ZNF730: variants seen among roughly 807,000 people sequenced by gnomAD.
The protein encoded by ZNF730 is zinc finger protein 730.
Under a neutral mutation model 12.6 loss-of-function variants are expected in ZNF730, and 12 were observed. The ratio of observed to expected loss-of-function variants is 0.95; its 90% CI spans 0.61 to 1.54. The LOEUF (loss-of-function observed/expected upper bound fraction) is 1.54, where lower values mean the gene tolerates loss of function less well. Ranked by LOEUF, ZNF730 falls within the 40% of genes most tolerant of loss-of-function variation. The probability of loss-of-function intolerance (pLI) is 0.00; values close to 1 mark genes in which losing one functional copy is unlikely to be tolerated. For missense variants in ZNF730, 643 were observed against 583.5 expected (o/e 1.10, Z -1.05); for synonymous variants, 194 against 195.8 (o/e 0.99, Z 0.08).
intron 1 of ZNF730, among the ~76,000 whole-genome samples, chr19:23,081,594 A>G (rs1187055307): frequency 6.6e-6 from 1 of 151,978 alleles, no homozygotes; most frequent in Non-Finnish European, 1.5e-5. Context: ...TGCTGGGACT[A>G]CAGGTGTGAG....
intron 1 of ZNF730, among the ~76,000 whole-genome samples, chr19:23,129,391 C>T (rs571173615): frequency 9.9e-5 from 15 of 152,206 alleles, no homozygotes; most frequent in African/African-American, 3.4e-4. Context: ...CTGCTCAAGA[C>T]GATGGGAACC....
At chr19:23,094,603 A>G (rs903547542) in intron 1 of ZNF730, among the ~76,000 whole-genome samples, 4 of 152,006 alleles carry the variant, frequency 2.6e-5, no homozygotes, top group Non-Finnish European at 4.4e-5. Flanking sequence ...CCTCCCAAGT[A>G]TCTGGGATTA....
chr19:23,123,182 T>G (rs1477547083), intron 1 of ZNF730: 1 of 152,196 alleles, frequency 6.6e-6, no homozygotes. Context: ...ATTCCAGTTT[T>G]TCATCAAAAA....
chr19:23,127,160 C>A, intron 1 of ZNF730: 1 of 532,782 alleles, frequency 1.9e-6, no homozygotes, highest in South Asian at 1.6e-5. Context: ...AATGTTTGTT[C>A]ATGCTCAAAG....
At chr19:23,118,519 C>T (rs2145599248) in intron 1 of ZNF730, among the ~76,000 whole-genome samples, 1 of 152,210 alleles carries the variant, frequency 6.6e-6, no homozygotes, top group Middle Eastern at 3.4e-3. Flanking sequence ...TTATTAGCTT[C>T]TGGGTCATTT....
chr19:23,146,560 T>C lies in ZNF730; in HGVS notation c.*4T>C. 1 of 1,585,160 alleles carries C rather than the reference T, an allele frequency of 6.3e-7. No individual in the cohort carries two copies. The highest frequency in any genetic ancestry group is 1.4e-5 in the African/African-American group (1 of 73,772). ...GCATAAGACAATTCATACATAAAAT[T>C]GTAAAGACTGTGGCAAAGCTTTTAA... On this transcript the variant is annotated 3_prime_UTR_variant, in exon 4 of 4. Transcript: ENST00000597761.
At position 23,145,543 on chromosome 19, in the gene ZNF730, C is replaced by T; in HGVS notation, c.499C>T (p.His167Tyr). The change falls in exon 4 of 4, where the codon CAT becomes TAT. Residue 167 changes from histidine (H) to tyrosine (Y), a missense_variant. His to Tyr is a moderately conservative substitution (Grantham distance 83). Coordinates refer to ENST00000597761, the MANE Select transcript of ZNF730 (RefSeq NM_001277403.2). The part of the protein sequence containing the change: ...FSNSNRHKIR[H>Y]TSKKPFKCKE... ...AAATTCAAACAGACATAAGATAAGA[C>T]ATACTTCGAAGAAACCTTTCAAATG... 6.4e-7 allele frequency: 1 copy of T among 1,554,358 alleles called. No individual in the cohort carries two copies. Among genetic ancestry groups the T allele is most frequent in the Non-Finnish European group, 8.7e-7 (1 of 1,150,122 alleles).
upstream of ZNF730, among the ~76,000 whole-genome samples, chr19:23,116,310 TTTTCTTTTCTTTTC>T (rs1015446990): frequency 4.1e-4 from 36 of 86,986 alleles, no homozygotes; most frequent in East Asian, 3.9e-3. Flanking sequence ...TTTTCTTTTC[TTTTCTTTTCTTTTC>T]TTTCTTTCTT....
chr19:23,116,417 TTTCC>T (rs766757949), upstream of ZNF730, among the ~76,000 whole-genome samples: 56 of 151,448 alleles, frequency 3.7e-4, no homozygotes, highest in Non-Finnish European at 7.8e-4. Context: ...CCCTTCCTCC[TTTCC>T]TTCCTTCCTT....
intron 1 of ZNF730, among the ~76,000 whole-genome samples, chr19:23,109,064 C>G (rs1309938434): frequency 6.7e-6 from 1 of 149,766 alleles, no homozygotes; most frequent in African/African-American, 2.4e-5. Context: ...AAAATTGTGT[C>G]TTTTTTGACC....
intron 1 of ZNF730, among the ~76,000 whole-genome samples, chr19:23,091,097 A>G (rs539266375): frequency 8.5e-5 from 13 of 152,114 alleles, no homozygotes; most frequent in Admixed American, 2.0e-4. Flanking sequence ...CCTGTGTCCC[A>G]GCTACTCTAG....
chr19:23,113,726 A>G (rs1970481790), upstream of ZNF730, among the ~76,000 whole-genome samples: 1 of 152,198 alleles, frequency 6.6e-6, no homozygotes. Context: ...AAAAATAATA[A>G]TAAAATAATA....
intron 1 of ZNF730, among the ~76,000 whole-genome samples, chr19:23,094,392 GTCTA>G (rs903514880): frequency 1.2e-4 from 16 of 137,196 alleles, no homozygotes; most frequent in African/African-American, 3.7e-4. Context: ...CTATCTATCT[GTCTA>G]TCTGTCTATC....
chr19:23,133,830 G>A (rs1289671804), intron 1 of ZNF730, among the ~76,000 whole-genome samples: 1 of 97,450 alleles, frequency 1.0e-5, no homozygotes, highest in African/African-American at 2.7e-5. Context: ...TAGTGTTCAT[G>A]TCTTACTTCA....
intron 2 of ZNF730, among the ~76,000 whole-genome samples, chr19:23,134,429 GGA>G (rs1226733726): frequency 6.7e-6 from 1 of 148,718 alleles, no homozygotes; most frequent in Non-Finnish European, 1.5e-5. Context: ...AGTCCGGGAG[GGA>G]GGCGGAGGGG....
At position 23,146,763 on chromosome 19, in the gene ZNF730, C is replaced by A. The variant is rs900425929; in HGVS notation, c.*207C>A. ...TGGCAAAGTCTTCAACCAATCTTCA[C>A]ACCTTACTACACATAAGATAATTCA... On this transcript the variant is annotated 3_prime_UTR_variant, in exon 4 of 4. Coordinates refer to ENST00000597761, the MANE Select transcript of ZNF730 (RefSeq NM_001277403.2). The A allele has an allele frequency of 9.4e-7, 1 of 1,059,350 alleles. No individual in the cohort carries two copies. The highest frequency in any genetic ancestry group is 1.5e-6 in the Non-Finnish European group (1 of 678,884). 65.6% of individuals were successfully genotyped at this position (1,059,350 alleles called of 1,614,324 possible).
At chr19:23,084,088 A>G (rs2145452190) in intron 1 of ZNF730, among the ~76,000 whole-genome samples, 1 of 152,120 alleles carries the variant, frequency 6.6e-6, no homozygotes, top group Non-Finnish European at 1.5e-5. Context: ...TCTTGAGTTG[A>G]TTTTTGTATA....
At chr19:23,085,704 T>G (rs1022518398) in intron 1 of ZNF730, among the ~76,000 whole-genome samples, 1 of 149,304 alleles carries the variant, frequency 6.7e-6, no homozygotes, top group African/African-American at 2.5e-5. Flanking sequence ...TTAGTAGAGA[T>G]AGGGTTTCAC....
At chr19:23,081,473 C>T (rs192139965) in intron 1 of ZNF730, among the ~76,000 whole-genome samples, 1 of 152,162 alleles carries the variant, frequency 6.6e-6, no homozygotes. Flanking sequence ...GCGTGAGCCA[C>T]CACGCCCACC....
Sources: gnomAD v4.1 joint callset for allele counts (sites outside exome capture counted in the v4.1 genomes callset) on GRCh38, gnomAD v4.1.1 for gene constraint, MANE v1.5 for transcripts, NCBI Gene and HGNC (gene_info 2026-07-23, HGNC 2026-07-21) for gene names.